Variants in TTLL8 observed in about 807,000 individuals in gnomAD.
TTLL8 encodes protein monoglycylase TTLL8.
TTLL8 carries 65 observed loss-of-function variants against 77.8 expected under a neutral mutation model. That is an observed-to-expected ratio of 0.84 (90% CI 0.68 to 1.03). The LOEUF (loss-of-function observed/expected upper bound fraction) is 1.03, where lower values mean the gene tolerates loss of function less well. Among genes scored for constraint, TTLL8 ranks in the 50% least tolerant of loss-of-function variants. The probability of loss-of-function intolerance (pLI) is 0.00; values close to 1 mark genes in which losing one functional copy is unlikely to be tolerated. For synonymous variants in TTLL8, 402 were observed against 422.8 expected, an observed-to-expected ratio of 0.95 and a Z score of 0.60; for missense variants, 910 against 1,004.5, an observed-to-expected ratio of 0.91 and a Z score of 1.27.
exon 11 of TTLL8, chr22:50,031,877 C>G (rs1347444221): frequency 7.3e-7 from 1 of 1,367,336 alleles, no homozygotes; most frequent in Non-Finnish European, 9.8e-7. Flanking sequence ...CCGTAGAGCT[C>G]AAAGCTGTTC....
rs758786990 is a variant in TTLL8, at chr22:50,041,192, T to C, written c.916A>G (p.Arg306Gly). ...GAGAGACAGACAAACCCCACCTGCC[T>C]GTCTCGGGCTGTGGGGGGCTCAAAT... The change falls in exon 8 of 14, where the codon AGG (arginine) becomes GGG (glycine). Residue 306 changes from arginine to glycine, a missense_variant. This residue lies in a region of TTLL8 where 776 missense variants were observed against 926.1 expected (regional missense o/e 0.84). Transcript: ENST00000266182. The surrounding 1 kb of genome is among the most constrained non-coding windows in gnomAD (Gnocchi z 4.3). 2.2e-6 allele frequency: 1 copy of C among 445,070 alleles called. No homozygotes were observed. Among genetic ancestry groups the C allele is most frequent in the South Asian group, 1.8e-5 (1 of 56,328 alleles). The allele number at this position is 445,070 out of a possible 1,614,324, so 27.6% of individuals were successfully genotyped here.
chr22:50,026,544 A>C (rs1213495073), intron 12 of TTLL8, among the ~76,000 whole-genome samples: 1 of 152,244 alleles, frequency 6.6e-6, no homozygotes, highest in Non-Finnish European at 1.5e-5. Context: ...AGGGTCAGAC[A>C]TGGAAGCGCA....
chr22:50,051,458 C>T (rs1456695296), intron 1 of TTLL8, among the ~76,000 whole-genome samples: 1 of 152,166 alleles, frequency 6.6e-6, no homozygotes, highest in Non-Finnish European at 1.5e-5. Flanking sequence ...TTGATTGGTT[C>T]CATATTTTTG....
intron 11 of TTLL8, 160 bp downstream of exon 12, chr22:50,031,526 G>A: frequency 1.0e-6 from 1 of 982,756 alleles, no homozygotes; most frequent in Non-Finnish European, 1.2e-6. Flanking sequence ...GCAGGCCTGG[G>A]CCCTCAGCGG....
intron 1 of TTLL8, among the ~76,000 whole-genome samples, chr22:50,052,478 C>T (rs2061449574): frequency 1.3e-5 from 2 of 152,092 alleles, no homozygotes; most frequent in African/African-American, 4.8e-5. Flanking sequence ...GAAAATTGAA[C>T]CAAAGGAACG....
At chr22:50,046,813 G>A (rs1461609604) in intron 4 of TTLL8, among the ~76,000 whole-genome samples, 1 of 152,194 alleles carries the variant, frequency 6.6e-6, no homozygotes, top group Non-Finnish European at 1.5e-5. Flanking sequence ...GGGGAGGCGG[G>A]GGAGTGCCCG....
chr22:50,031,797 G>A (rs2061296048), exon 11 of TTLL8: 2 of 1,366,888 alleles, frequency 1.5e-6, no homozygotes, highest in Non-Finnish European at 2.0e-6. Flanking sequence ...GCGTGGACGG[G>A]TGCATGGTGG....
chr22:50,036,851 G>C (rs1045285431), intron 8 of TTLL8, among the ~76,000 whole-genome samples: 8 of 152,146 alleles, frequency 5.3e-5, no homozygotes, highest in African/African-American at 1.9e-4. Flanking sequence ...CCCCGCCTCG[G>C]CCTCCTTAAC....
chr22:50,018,580 T>C (rs2061178526), intron 12 of TTLL8, among the ~76,000 whole-genome samples: 1 of 152,152 alleles, frequency 6.6e-6, no homozygotes, highest in Non-Finnish European at 1.5e-5. Flanking sequence ...TCAAAGACAT[T>C]CAAATTCCAG....
rs745458738 is a variant in TTLL8, at chr22:50,049,325, G to A, written c.191-3C>T. ...TTTGACTTTGGCACATGTATCATCT[G>A]CCAACAAAACACAGGGGAGGCCTGA... On this transcript the variant is annotated splice_polypyrimidine_tract_variant and splice_region_variant and intron_variant, in intron 2 of 13. Transcript: ENST00000266182. The A allele has an allele frequency of 7.3e-7, 1 of 1,367,458 alleles. No individual in the cohort carries two copies. Among genetic ancestry groups the A allele is most frequent in the Non-Finnish European group, 9.8e-7 (1 of 1,021,828 alleles). The allele number at this position is 1,367,458 out of a possible 1,614,324, so 84.7% of individuals were successfully genotyped here. A position where few individuals can be genotyped will look rare whatever the true frequency, so the allele number is the denominator to read the frequency against.
chr22:50,022,418 T>G (rs1260838024), intron 12 of TTLL8, among the ~76,000 whole-genome samples: 1 of 150,228 alleles, frequency 6.7e-6, no homozygotes, highest in Non-Finnish European at 1.5e-5. Context: ...CATGCACTCC[T>G]CCATCTGACA....
At position 50,053,910 on chromosome 22, in the gene TTLL8, C is replaced by T. The variant is rs140772284; in HGVS notation, c.51+666G>A. Among the ~76,000 whole-genome samples, 455 of 152,028 alleles carry T rather than the reference C, an allele frequency of 3.0e-3. 2 individuals are homozygous for T. Among genetic ancestry groups the T allele is most frequent in the African/African-American group, 0.01 (416 of 41,442 alleles). ...CGGGTGTGTCCGGCCGTAACATCAC[C>T]GTGCCGTGCACCTGCAGTCTGCACA... On this transcript the variant is annotated intron_variant, in intron 1 of 13. Coordinates refer to ENST00000266182, the Ensembl canonical transcript of TTLL8.
At chr22:50,037,706 A>G (rs1467762116) in intron 8 of TTLL8, among the ~76,000 whole-genome samples, 4 of 152,172 alleles carry the variant, frequency 2.6e-5, no homozygotes, top group Non-Finnish European at 5.9e-5. Flanking sequence ...AGGAGGGTCT[A>G]TCTTTAGACT....
intron 12 of TTLL8, 167 bp downstream of exon 13, chr22:50,030,263 C>T: frequency 1.0e-6 from 1 of 985,326 alleles, no homozygotes; most frequent in Non-Finnish European, 1.2e-6. Flanking sequence ...GGTGCCCCAA[C>T]CCCGCTCCCC....
chr22:50,022,870 A>G (rs2146625742), intron 12 of TTLL8, among the ~76,000 whole-genome samples: 1 of 152,402 alleles, frequency 6.6e-6, no homozygotes, highest in South Asian at 2.1e-4. Flanking sequence ...CAAGAGGTGA[A>G]TTTACCAACA....
Position 50,034,570 on chromosome 22 carries a change from C to G in TTLL8, c.922-108G>C, listed in dbSNP as rs1452425541. ...CCTGGGCCCCGCCTCACCCACCAAG[C>G]AGGCGCTCGGCTCTAGGATGGTCTG... On this transcript the variant is annotated intron_variant, in intron 8 of 13. Transcript: ENST00000266182. The surrounding 1 kb of genome is among the most constrained non-coding windows in gnomAD (Gnocchi z 4.1). 2.5e-6 allele frequency: 3 copies of G among 1,179,364 alleles called. No individual in the cohort carries two copies. Among genetic ancestry groups the G allele is most frequent in the Non-Finnish European group, 2.2e-6 (2 of 897,304 alleles). 73.1% of individuals were successfully genotyped at this position (1,179,364 alleles called of 1,614,324 possible).
intron 1 of TTLL8, among the ~76,000 whole-genome samples, chr22:50,051,358 A>G (rs147770733): frequency 6.6e-6 from 1 of 152,200 alleles, no homozygotes; most frequent in African/African-American, 2.4e-5. Flanking sequence ...GCTGCAAAAG[A>G]CATTATCTGG....
rs551806292 is a variant in TTLL8 at position 50,041,749 on chromosome 22, C to T, written c.702G>A (p.Ala234=). 2.3e-5 allele frequency: 32 copies of T among 1,365,384 alleles called. No individual in the cohort carries two copies. In the East Asian group the frequency reaches 6.4e-4, roughly 27 times the overall value. The allele number at this position is 1,365,384 out of a possible 1,614,324, so 84.6% of individuals were successfully genotyped here. A position where few individuals can be genotyped will look rare whatever the true frequency, so the allele number is the denominator to read the frequency against. The change falls in exon 7 of 14, where the codon GCG becomes GCA. Residue 234 remains alanine (A), a synonymous_variant. Transcript: ENST00000266182. The surrounding 1 kb of genome is among the most constrained non-coding windows in gnomAD (Gnocchi z 4.3). The stretch of plus-strand genomic sequence containing the variant: ...CCAGGTAGGCCTGGCACACCTTGCA[C>T]GCGATGTCCACAAGCTGCCCCGGGA...
rs73429507 is a variant in TTLL8, at chr22:50,045,243, G to A, written c.643+12C>T. 1.1e-3 allele frequency: 1,424 copies of A among 1,350,328 alleles called. 17 individuals carry two copies. In the African/African-American group the frequency reaches 0.019, roughly 18 times the overall value. 83.6% of individuals were successfully genotyped at this position (1,350,328 alleles called of 1,614,324 possible). Reference sequence around the variant, plus strand: ...TGGTGGCCTGGCACTGCCCTGCCCCGGCCCAGCGCACCTTGCCTGCTGCTC... The same window carrying A: ...TGGTGGCCTGGCACTGCCCTGCCCCAGCCCAGCGCACCTTGCCTGCTGCTC... On this transcript the variant is annotated intron_variant, in intron 6 of 13. Transcript: ENST00000266182.
Sources: allele counts gnomAD v4.1 joint callset (sites outside exome capture counted in the v4.1 genomes callset), GRCh38; gene constraint gnomAD v4.1.1; regional missense constraint gnomAD v4.1.1; non-coding constraint Gnocchi (gnomAD v3.1); transcripts MANE v1.5; gene names NCBI Gene and HGNC (gene_info 2026-07-23, HGNC 2026-07-21).